The following RPA3 variants were observed in gnomAD, a reference collection of about 807,000 sequenced individuals.
RPA3 encodes the protein replication protein A3.
A neutral mutation model predicts 13.7 loss-of-function variants in RPA3; 24 were observed. The ratio of observed to expected loss-of-function variants is 1.75; its 90% CI spans 1.27 to 2.46. RPA3 has a LOEUF of 2.46. Among genes scored for constraint, RPA3 ranks in the 30% most tolerant of loss-of-function variants. The probability of loss-of-function intolerance (pLI) is 0.00; values close to 1 mark genes in which losing one functional copy is unlikely to be tolerated. For missense variants in RPA3, 183 were observed against 151.0 expected (o/e 1.21, Z -1.11); for synonymous variants, 59 against 51.2 (o/e 1.15, Z -0.65).
chr7:7,655,717 G>A (rs1172581092), intron 4 of RPA3, among the ~76,000 whole-genome samples: 1 of 152,170 alleles, frequency 6.6e-6, no homozygotes, highest in Non-Finnish European at 1.5e-5. Flanking sequence ...GGGGACGAAT[G>A]AAAAGATTAG....
chr7:7,696,697 T>C (rs1032383127), intron 2 of RPA3, among the ~76,000 whole-genome samples: 1 of 152,110 alleles, frequency 6.6e-6, no homozygotes, highest in Non-Finnish European at 1.5e-5. Flanking sequence ...CCGTAAAGAT[T>C]TTTCTGCCTC....
At chr7:7,689,237 A>G (rs1780114460) in intron 2 of RPA3, 1 of 152,198 alleles carries the variant, frequency 6.6e-6, no homozygotes, top group Non-Finnish European at 1.5e-5. Flanking sequence ...TCATGGGCAG[A>G]TACAGACAGA....
At position 7,676,465 on chromosome 7, in the gene RPA3, T is replaced by G. The variant is rs565559946; in HGVS notation, c.-758+9365A>C. On this transcript the variant is annotated intron_variant, in intron 4 of 7. Transcript: ENST00000223129. ...CTTCAGAACCTATCCTCTAAACCAC[T>G]GAACTATCCATCTTTTTGTAAAAAA... 2.6e-5 allele frequency among the ~76,000 whole-genome samples: 4 copies of G among 152,340 alleles called. No individual in the cohort carries two copies. In the East Asian group the frequency reaches 7.7e-4, roughly 29 times the overall value.
chr7:7,705,051 C>T (rs1469708711), intron 2 of RPA3, among the ~76,000 whole-genome samples: 1 of 152,148 alleles, frequency 6.6e-6, no homozygotes, highest in African/African-American at 2.4e-5. Flanking sequence ...CACAGGACTA[C>T]TGACATTCTT....
chr7:7,660,091 A>C (rs1583703726), intron 4 of RPA3, among the ~76,000 whole-genome samples: 1 of 152,082 alleles, frequency 6.6e-6, no homozygotes, highest in Non-Finnish European at 1.5e-5. Flanking sequence ...TGTTGGTTTA[A>C]AGTCTGTTTT....
At chr7:7,714,834 T>C (rs1563147997) in intron 2 of RPA3, among the ~76,000 whole-genome samples, 2 of 151,134 alleles carry the variant, frequency 1.3e-5, no homozygotes, top group Non-Finnish European at 1.5e-5. Context: ...CCTCATGAAC[T>C]GGTTGTTCAA....
At chr7:7,711,991 C>G (rs1780776834) in intron 2 of RPA3, among the ~76,000 whole-genome samples, 1 of 151,950 alleles carries the variant, frequency 6.6e-6, no homozygotes, top group South Asian at 2.1e-4. Context: ...TTTCTTAGTA[C>G]TATTTTGGAT....
At chr7:7,693,613 T>C (rs1780233647) in intron 2 of RPA3, among the ~76,000 whole-genome samples, 1 of 152,162 alleles carries the variant, frequency 6.6e-6, no homozygotes, top group Non-Finnish European at 1.5e-5. Context: ...GGTGAAATTC[T>C]ACTATATTTT....
intron 2 of RPA3, among the ~76,000 whole-genome samples, chr7:7,694,667 A>T (rs189284098): frequency 6.6e-6 from 1 of 152,168 alleles, no homozygotes; most frequent in East Asian, 1.9e-4. Flanking sequence ...GACTTATTTC[A>T]CTTAACATAA....
At chr7:7,695,125 C>T (rs544894835) in intron 2 of RPA3, among the ~76,000 whole-genome samples, 1 of 152,290 alleles carries the variant, frequency 6.6e-6, no homozygotes, top group South Asian at 2.1e-4. Flanking sequence ...GATTTGCTTT[C>T]TCTGATGATC....
intron 4 of RPA3, among the ~76,000 whole-genome samples, chr7:7,664,224 A>C (rs2108000): frequency 0.64 from 97,171 of 151,852 alleles, 31,497 homozygotes; most frequent in East Asian, 0.87. Context: ...TTTCTTATTC[A>C]TAATACCACT....
rs1445548315 is a variant in RPA3 at position 7,637,735 on chromosome 7, A to C, written c.283+129T>G. 6 of 493,838 alleles carry C rather than the reference A, an allele frequency of 1.2e-5. No individual in the cohort carries two copies. The East Asian group carries it at 1.9e-4, about 16-fold the overall frequency. The allele number at this position is 493,838 out of a possible 1,614,324, so 30.6% of individuals were successfully genotyped here. ...ATGTTATGTAATTACATACAGTTAT[A>C]TAAAACTGTATGTTATGTAATTACA... On this transcript the variant is annotated intron_variant, in intron 7 of 7. Transcript: ENST00000223129.
chr7:7,650,794 G>T (rs1156521930), intron 4 of RPA3, among the ~76,000 whole-genome samples: 1 of 152,062 alleles, frequency 6.6e-6, no homozygotes, highest in Non-Finnish European at 1.5e-5. Flanking sequence ...GATTTCCTCC[G>T]GCATCACTGT....
At chr7:7,655,406 A>C (rs909592742) in intron 4 of RPA3, among the ~76,000 whole-genome samples, 13 of 152,248 alleles carry the variant, frequency 8.5e-5, no homozygotes, top group Admixed American at 5.9e-4. Flanking sequence ...AGAAAAAATA[A>C]AATAAATTAA....
chr7:7,665,955 C>G (rs1255775658), intron 4 of RPA3, among the ~76,000 whole-genome samples: 5 of 150,954 alleles, frequency 3.3e-5, no homozygotes, highest in Non-Finnish European at 7.4e-5. Flanking sequence ...TGGGTTGTTT[C>G]CATTTTTTGG....
chr7:7,704,766 C>CAAAA lies in RPA3; in HGVS notation c.-1028+10405_-1028+10408dup, dbSNP rs71011001. On this transcript the variant is annotated intron_variant, in intron 2 of 7. Transcript: ENST00000223129. Reference sequence around the variant, plus strand: ...TGGGTGACAGAGCGAGACTCCATCTCAAAAAAAAAAAAAAAAAAAAAAAAA... The same window carrying CAAAA: ...TGGGTGACAGAGCGAGACTCCATCTCAAAAAAAAAAAAAAAAAAAAAAAAAAAAA... Among the ~76,000 whole-genome samples, 5 of 17,852 alleles carry CAAAA rather than the reference C, an allele frequency of 2.8e-4. 1 individual carries two copies. Among genetic ancestry groups the CAAAA allele is most frequent in the Non-Finnish European group, 4.0e-4 (4 of 10,042 alleles). The allele number at this position is 17,852 out of a possible 152,430, so 11.7% of individuals were successfully genotyped here. A position where few individuals can be genotyped will look rare whatever the true frequency, so the allele number is the denominator to read the frequency against.
chr7:7,639,183 A>G (rs1177065031), intron 5 of RPA3, 39 bp from the exon 6 acceptor site: 3 of 1,531,476 alleles, frequency 2.0e-6, no homozygotes, highest in Non-Finnish European at 2.7e-6. Context: ...CACTAAAACA[A>G]CAACAAAGTT....
rs1292450675 is a variant in RPA3, at chr7:7,687,318, T to C, written c.-1017A>G. ...TGCAGGAGATGAAGCAAAAGGAAAC[T>C]GTACACAGATCTGCACTGACAAAAG... On this transcript the variant is annotated 5_prime_UTR_variant, in exon 3 of 8. Transcript: ENST00000223129. 6.6e-6 allele frequency: 1 copy of C among 152,210 alleles called. No homozygotes were observed. Among genetic ancestry groups the C allele is most frequent in the African/African-American group, 2.4e-5 (1 of 41,438 alleles). 9.4% of individuals were successfully genotyped at this position (152,210 alleles called of 1,614,324 possible).
chr7:7,637,335 A>G (rs1231370004), intron 7 of RPA3, among the ~76,000 whole-genome samples: 2 of 152,050 alleles, frequency 1.3e-5, no homozygotes, highest in African/African-American at 2.4e-5. Context: ...GCATTATTCA[A>G]TTCCTTCAAT....
Sources: gnomAD v4.1 joint callset for allele counts (sites outside exome capture counted in the v4.1 genomes callset) on GRCh38, gnomAD v4.1.1 for gene constraint, MANE v1.5 for transcripts, NCBI Gene and HGNC (gene_info 2026-07-23, HGNC 2026-07-21) for gene names.